FYB1: variants seen among roughly 807,000 people sequenced by gnomAD.
FYB1 encodes FYN-binding protein 1.
FYB1 carries 41 observed loss-of-function variants against 94.1 expected under a neutral mutation model. The observed-to-expected ratio is 0.44, with a 90% confidence interval of 0.34 to 0.57. The LOEUF (loss-of-function observed/expected upper bound fraction) is 0.57, where lower values mean the gene tolerates loss of function less well. Among genes scored for constraint, FYB1 ranks in the 20% least tolerant of loss-of-function variants. The pLI, the probability that FYB1 is intolerant of heterozygous loss-of-function variation, is 0.02. For synonymous variants in FYB1, 367 were observed against 353.2 expected, an observed-to-expected ratio of 1.04 and a Z score of -0.44; for missense variants, 1,050 against 976.8, an observed-to-expected ratio of 1.07 and a Z score of -1.00.
chr5:39,179,490 A>G (rs1038130609), intron 2 of FYB1, among the ~76,000 whole-genome samples: 1 of 151,900 alleles, frequency 6.6e-6, no homozygotes, highest in Non-Finnish European at 1.5e-5. Flanking sequence ...TCTCCCACGG[A>G]TGCTCTGAGT....
At chr5:39,266,170 G>C (rs768089197) in intron 1 of FYB1, among the ~76,000 whole-genome samples, 9 of 152,074 alleles carry the variant, frequency 5.9e-5, no homozygotes, top group Non-Finnish European at 1.2e-4. Flanking sequence ...CTGATCTAAG[G>C]ATATAGATTA....
At chr5:39,193,101 G>T (rs1418411678) in intron 2 of FYB1, among the ~76,000 whole-genome samples, 3 of 152,194 alleles carry the variant, frequency 2.0e-5, no homozygotes, top group African/African-American at 7.2e-5. Context: ...CTGGGATCAT[G>T]TCCACAAGAC....
At chr5:39,228,241 G>T (rs1035727868) in intron 1 of FYB1, among the ~76,000 whole-genome samples, 5 of 152,132 alleles carry the variant, frequency 3.3e-5, no homozygotes, top group Non-Finnish European at 5.9e-5. Flanking sequence ...GACTGTCTTT[G>T]GGAAGCAAAG....
chr5:39,210,447 G>A (rs1749261126), intron 1 of FYB1, among the ~76,000 whole-genome samples: 1 of 152,230 alleles, frequency 6.6e-6, no homozygotes, highest in South Asian at 2.1e-4. Flanking sequence ...AGCAGAAGAA[G>A]CAAGATAGCC....
chr5:39,175,490 C>T (rs1745638747), intron 2 of FYB1, among the ~76,000 whole-genome samples: 2 of 152,210 alleles, frequency 1.3e-5, no homozygotes, highest in South Asian at 4.1e-4. Context: ...GGGAAAACCT[C>T]TGCCTTCTTC....
chr5:39,212,445 A>G (rs1269398889), intron 1 of FYB1, among the ~76,000 whole-genome samples: 1 of 152,252 alleles, frequency 6.6e-6, no homozygotes. Flanking sequence ...AGAGAAATAG[A>G]TAATATTTTG....
intron 2 of FYB1, among the ~76,000 whole-genome samples, chr5:39,162,549 G>A (rs1371543022): frequency 3.9e-5 from 6 of 152,098 alleles, no homozygotes; most frequent in Non-Finnish European, 8.8e-5. Context: ...GCCAGGCGTG[G>A]TGGCGCTTGT....
intron 2 of FYB1, among the ~76,000 whole-genome samples, chr5:39,197,045 G>A (rs1021525653): frequency 6.6e-6 from 1 of 152,176 alleles, no homozygotes; most frequent in Admixed American, 6.5e-5. Context: ...TAAAGAATTG[G>A]ATGAGAACCT....
intron 2 of FYB1, among the ~76,000 whole-genome samples, chr5:39,167,500 A>C (rs1744846699): frequency 6.6e-6 from 1 of 152,174 alleles, no homozygotes; most frequent in Non-Finnish European, 1.5e-5. Context: ...GGAATATCTG[A>C]TTAAAAACCT....
intron 1 of FYB1, among the ~76,000 whole-genome samples, chr5:39,267,258 A>G (rs973265017): frequency 1.3e-5 from 2 of 152,176 alleles, no homozygotes; most frequent in Non-Finnish European, 2.9e-5. Flanking sequence ...GGGCTGAAAT[A>G]CAGGAATCCA....
chr5:39,169,386 T>A (rs548378343), intron 2 of FYB1: 5 of 758,056 alleles, frequency 6.6e-6, no homozygotes, highest in Non-Finnish European at 1.2e-5. Flanking sequence ...TTTGTGAATT[T>A]TTCCGTACAT....
chr5:39,146,731 A>C (rs1742687892), intron 3 of FYB1, among the ~76,000 whole-genome samples: 1 of 152,214 alleles, frequency 6.6e-6, no homozygotes, highest in South Asian at 2.1e-4. Flanking sequence ...TATTACTTGT[A>C]GACAATGTTT....
intron 3 of FYB1, among the ~76,000 whole-genome samples, chr5:39,149,604 T>C (rs972478527): frequency 6.6e-6 from 1 of 152,070 alleles, no homozygotes; most frequent in Non-Finnish European, 1.5e-5. Context: ...CTCTGTCCAA[T>C]TCCTCTCCTT....
intron 2 of FYB1, among the ~76,000 whole-genome samples, chr5:39,196,211 T>TC (rs990028807): frequency 1.1e-4 from 16 of 147,860 alleles, no homozygotes; most frequent in Admixed American, 5.4e-4. Context: ...ATTCTTTCTT[T>TC]TTTTTTTTTT....
At chr5:39,206,773 T>A (rs1298193785) in intron 1 of FYB1, among the ~76,000 whole-genome samples, 2 of 152,236 alleles carry the variant, frequency 1.3e-5, no homozygotes, top group Non-Finnish European at 2.9e-5. Flanking sequence ...GTTTCCTATG[T>A]ATGTTGCTAA....
chr5:39,111,721 A>C (rs1462825497), intron 16 of FYB1, among the ~76,000 whole-genome samples: 1 of 151,970 alleles, frequency 6.6e-6, no homozygotes, highest in African/African-American at 2.4e-5. Context: ...CAAGATAATA[A>C]AAGCACAATA....
intron 1 of FYB1, among the ~76,000 whole-genome samples, chr5:39,239,824 T>G (rs1751125938): frequency 6.6e-6 from 1 of 152,154 alleles, no homozygotes; most frequent in Non-Finnish European, 1.5e-5. Flanking sequence ...AAAATTCACA[T>G]GGAACCAAAA....
Position 39,231,158 on chromosome 5 carries a change from AAAAC to A in FYB1, c.-27-28175_-27-28172del, listed in dbSNP as rs1341081736. Among the ~76,000 whole-genome samples, 98 of 118,040 alleles carry A rather than the reference AAAAC, an allele frequency of 8.3e-4. 3 individuals are homozygous for A. Among genetic ancestry groups the A allele is most frequent in the East Asian group, 5.0e-3 (19 of 3,782 alleles). The allele number at this position is 118,040 out of a possible 152,430, so 77.4% of individuals were successfully genotyped here. A position where few individuals can be genotyped will look rare whatever the true frequency, so the allele number is the denominator to read the frequency against. On this transcript the variant is annotated intron_variant, in intron 1 of 1. Coordinates refer to the FYB1 transcript ENST00000510188. ...TACTCAGCTCAGAGCAAAAAAAAAA[AAAAC>A]AAAAAAAAACAAAAAAAACAAAACA...
chr5:39,220,675 A>G (rs1356143802), upstream of FYB1, among the ~76,000 whole-genome samples: 25 of 152,156 alleles, frequency 1.6e-4, no homozygotes, highest in Admixed American at 1.6e-3. Context: ...CCAAGACTAG[A>G]AAGATGGAGA....
Sources: allele counts gnomAD v4.1 joint callset (sites outside exome capture counted in the v4.1 genomes callset), GRCh38; gene constraint gnomAD v4.1.1; transcripts MANE v1.5; gene names NCBI Gene and HGNC (gene_info 2026-07-23, HGNC 2026-07-21).